Variants in SUMF1 observed in about 807,000 individuals in gnomAD.
SUMF1 encodes the protein sulfatase modifying factor 1.
SUMF1 carries 48 observed loss-of-function variants against 47.6 expected under a neutral mutation model. That is an observed-to-expected ratio of 1.01 (90% CI 0.80 to 1.28). SUMF1 has a LOEUF of 1.28. Among genes scored for constraint, SUMF1 ranks in the 50% most tolerant of loss-of-function variants. The probability of loss-of-function intolerance (pLI) is 0.00; values close to 1 mark genes in which losing one functional copy is unlikely to be tolerated. For missense variants in SUMF1, 571 were observed against 485.4 expected (o/e 1.18, Z -1.66); for synonymous variants, 230 against 192.1 (o/e 1.20, Z -1.63).
At chr3:4,202,986 G>C (rs1427022500) in intron 8 of SUMF1, among the ~76,000 whole-genome samples, 1 of 151,614 alleles carries the variant, frequency 6.6e-6, no homozygotes, top group Non-Finnish European at 1.5e-5. Context: ...ACTGATTTTG[G>C]GGTCTAACAT....
At chr3:4,314,971 T>G (rs1362785640) in intron 8 of SUMF1, among the ~76,000 whole-genome samples, 1 of 152,190 alleles carries the variant, frequency 6.6e-6, no homozygotes, top group Non-Finnish European at 1.5e-5. Flanking sequence ...ATTGTACACT[T>G]TAAATGAGTG....
chr3:4,091,473 C>A (rs915929361), intron 8 of SUMF1, among the ~76,000 whole-genome samples: 1 of 152,128 alleles, frequency 6.6e-6, no homozygotes. Context: ...TGTATCACAG[C>A]TTTCTACCTT....
chr3:4,199,727 T>C (rs1695502405), intron 8 of SUMF1, among the ~76,000 whole-genome samples: 1 of 152,130 alleles, frequency 6.6e-6, no homozygotes, highest in Non-Finnish European at 1.5e-5. Flanking sequence ...TGACTAACAA[T>C]GTTGAACATT....
chr3:4,121,200 G>T (rs1693533160), intron 8 of SUMF1, among the ~76,000 whole-genome samples: 1 of 151,998 alleles, frequency 6.6e-6, no homozygotes, highest in African/African-American at 2.4e-5. Context: ...TAACATTCTA[G>T]ATTTCACACA....
chr3:4,338,604 G>A (rs1253908948), intron 8 of SUMF1, among the ~76,000 whole-genome samples: 1 of 152,118 alleles, frequency 6.6e-6, no homozygotes, highest in African/African-American at 2.4e-5. Context: ...TTACATTCTG[G>A]AGAAATCAGG....
intron 8 of SUMF1, among the ~76,000 whole-genome samples, chr3:4,268,637 G>A (rs1241141054): frequency 6.8e-6 from 1 of 147,898 alleles, no homozygotes; most frequent in African/African-American, 2.5e-5. Flanking sequence ...ATAGCAACCA[G>A]GTTTAATATT....
intron 8 of SUMF1, among the ~76,000 whole-genome samples, chr3:4,231,657 G>T (rs2124983548): frequency 6.6e-6 from 1 of 152,284 alleles, no homozygotes; most frequent in East Asian, 1.9e-4. Context: ...AGGCAGAACA[G>T]CCTTCTGTTA....
intron 8 of SUMF1, among the ~76,000 whole-genome samples, chr3:4,305,375 C>T (rs1698149793): frequency 6.6e-6 from 1 of 152,130 alleles, no homozygotes; most frequent in African/African-American, 2.4e-5. Flanking sequence ...CGTGAGCCAC[C>T]GCACCCGGCC....
chr3:4,280,300 C>G (rs1313955732), intron 8 of SUMF1, among the ~76,000 whole-genome samples: 1 of 152,066 alleles, frequency 6.6e-6, no homozygotes, highest in Admixed American at 6.5e-5. Context: ...CAAGAACACC[C>G]CGGGGTCCTA....
intron 8 of SUMF1, among the ~76,000 whole-genome samples, chr3:4,145,346 ATC>A (rs1694169597): frequency 6.6e-6 from 1 of 152,046 alleles, no homozygotes; most frequent in Non-Finnish European, 1.5e-5. Context: ...GAATGAATAA[ATC>A]TCTAGCAAAT....
At chr3:4,150,549 CAAA>C (rs33962142) in intron 8 of SUMF1, among the ~76,000 whole-genome samples, 11 of 144,094 alleles carry the variant, frequency 7.6e-5, no homozygotes, top group East Asian at 2.1e-4. Context: ...GACTCCGTCT[CAAA>C]AAAAAAAAAA....
intron 8 of SUMF1, among the ~76,000 whole-genome samples, chr3:4,163,993 C>T (rs1694642698): frequency 6.6e-6 from 1 of 152,144 alleles, no homozygotes; most frequent in Non-Finnish European, 1.5e-5. Context: ...GAACCACTGG[C>T]TATTTGATGA....
chr3:4,307,166 G>C (rs1197567589), intron 8 of SUMF1, among the ~76,000 whole-genome samples: 1 of 152,128 alleles, frequency 6.6e-6, no homozygotes, highest in Non-Finnish European at 1.5e-5. Flanking sequence ...TAATTCAGAG[G>C]CCCAGGTTTT....
intron 8 of SUMF1, among the ~76,000 whole-genome samples, chr3:4,185,085 A>C (rs1455002826): frequency 6.6e-6 from 1 of 152,186 alleles, no homozygotes; most frequent in Non-Finnish European, 1.5e-5. Flanking sequence ...CCTATGAAGT[A>C]GTCTATGGCT....
chr3:4,365,101 T>G (rs1159126858), intron 8 of SUMF1, among the ~76,000 whole-genome samples: 4 of 149,856 alleles, frequency 2.7e-5, no homozygotes, highest in Non-Finnish European at 6.0e-5. Context: ...TAATTTCTGT[T>G]CTTTTACATT....
intron 9 of SUMF1, among the ~76,000 whole-genome samples, chr3:4,037,858 G>A (rs776982946): frequency 2.6e-5 from 4 of 152,144 alleles, no homozygotes; most frequent in Non-Finnish European, 5.9e-5. Flanking sequence ...CAGGGCCAAG[G>A]CTTTGCGCAG....
intron 8 of SUMF1, among the ~76,000 whole-genome samples, chr3:4,120,895 C>G (rs574718204): frequency 3.3e-4 from 51 of 152,294 alleles, no homozygotes; most frequent in African/African-American, 1.2e-3. Context: ...CCATGAATTT[C>G]TATTTTCTCA....
At chr3:4,419,585 C>T (rs1001427853) in intron 4 of SUMF1, among the ~76,000 whole-genome samples, 1 of 152,110 alleles carries the variant, frequency 6.6e-6, no homozygotes, top group African/African-American at 2.4e-5. Flanking sequence ...TGTGGTTTTC[C>T]AGTTAGATGG....
At position 4,445,426 on chromosome 3, in the gene SUMF1, C is replaced by A. The variant is rs376298668; in HGVS notation, c.519+3840G>T. On this transcript the variant is annotated intron_variant, in intron 3 of 8. Coordinates refer to ENST00000272902, the MANE Select transcript of SUMF1 (RefSeq NM_182760.4). ...CATCACAGCTCACTGAAACCTCGAA[C>A]TCCTGGGCTCAAGTGATCCTCCCAC... Among the ~76,000 whole-genome samples, 213 of 152,320 alleles carry A rather than the reference C, an allele frequency of 1.4e-3. 1 individual carries two copies. The highest frequency in any genetic ancestry group is 5.0e-3 in the African/African-American group (207 of 41,564).
Sources: allele counts gnomAD v4.1 joint callset (sites outside exome capture counted in the v4.1 genomes callset), GRCh38; gene constraint gnomAD v4.1.1; transcripts MANE v1.5; gene names NCBI Gene and HGNC (gene_info 2026-07-23, HGNC 2026-07-21).